Variants in DPP10 observed in about 807,000 individuals in gnomAD.
The protein encoded by DPP10 is inactive dipeptidyl peptidase 10.
DPP10 carries 33 observed loss-of-function variants against 120.9 expected under a neutral mutation model. The ratio of observed to expected loss-of-function variants is 0.27; its 90% CI spans 0.21 to 0.37. The LOEUF (loss-of-function observed/expected upper bound fraction) is 0.37. DPP10 is among the 10% of genes least tolerant of loss of function. DPP10 has a pLI of 1.00. For synonymous variants in DPP10, 337 were observed against 326.1 expected (o/e 1.03, Z -0.36); for missense variants, 816 against 942.8 (o/e 0.87, Z 1.76).
At chr2:115,166,918 C>T (rs1045596075) in intron 1 of DPP10, among the ~76,000 whole-genome samples, 1 of 152,070 alleles carries the variant, frequency 6.6e-6, no homozygotes, top group South Asian at 2.1e-4. Flanking sequence ...AATTTACTTA[C>T]AGTGTGACAT....
intron 1 of DPP10, among the ~76,000 whole-genome samples, chr2:115,171,747 T>C (rs1209691836): frequency 6.6e-6 from 1 of 152,090 alleles, no homozygotes; most frequent in Non-Finnish European, 1.5e-5. Context: ...AAACAAGTTT[T>C]AAAATGCTTT....
At chr2:114,715,515 C>T (rs1381730413) in intron 1 of DPP10, among the ~76,000 whole-genome samples, 1 of 151,796 alleles carries the variant, frequency 6.6e-6, no homozygotes, top group Non-Finnish European at 1.5e-5. Flanking sequence ...GGAAAAAATT[C>T]TAAGACCTTT....
intron 17 of DPP10, among the ~76,000 whole-genome samples, chr2:115,788,432 T>C (rs1343921309): frequency 6.6e-6 from 1 of 152,124 alleles, no homozygotes; most frequent in Non-Finnish European, 1.5e-5. Context: ...GAACATAGAC[T>C]AGCAGTAGAG....
chr2:114,618,024 T>A (rs555807564), intron 1 of DPP10, among the ~76,000 whole-genome samples: 1 of 152,210 alleles, frequency 6.6e-6, no homozygotes, highest in East Asian at 1.9e-4. Context: ...GAAAACAGAC[T>A]GTGTGTTTAA....
At chr2:115,315,989 C>T (rs1442158920) in intron 2 of DPP10, among the ~76,000 whole-genome samples, 1 of 151,938 alleles carries the variant, frequency 6.6e-6, no homozygotes, top group Non-Finnish European at 1.5e-5. Context: ...TATGTGATTC[C>T]CTTAGTTACT....
intron 1 of DPP10, among the ~76,000 whole-genome samples, chr2:114,471,936 C>T (rs1397707106): frequency 1.3e-5 from 2 of 152,224 alleles, no homozygotes; most frequent in African/African-American, 4.8e-5. Flanking sequence ...AAAGTTGTCA[C>T]AGCTTCAACA....
chr2:114,736,101 A>C (rs905265893), intron 1 of DPP10, among the ~76,000 whole-genome samples: 2 of 152,058 alleles, frequency 1.3e-5, no homozygotes, highest in Non-Finnish European at 2.9e-5. Context: ...CCTTGGAAGA[A>C]GCATCTAAGT....
intron 1 of DPP10, among the ~76,000 whole-genome samples, chr2:115,136,658 T>TTA (rs1240286359): frequency 1.6e-5 from 2 of 124,118 alleles, no homozygotes; most frequent in Admixed American, 7.7e-5. Flanking sequence ...AGGGATGGAA[T>TTA]AAAAAAAAAA....
chr2:114,834,866 A>AAGCCATGTCTACACACCTATGTATATAT (rs1687554492), intron 1 of DPP10, among the ~76,000 whole-genome samples: 1 of 112,386 alleles, frequency 8.9e-6, no homozygotes, highest in Non-Finnish European at 1.9e-5. Flanking sequence ...TATGTATATA[A>AAGCCATGTCTACACACCTATGTATATAT]AAGACATATC....
At chr2:115,211,001 G>A (rs1031179071) in intron 1 of DPP10, among the ~76,000 whole-genome samples, 1 of 151,946 alleles carries the variant, frequency 6.6e-6, no homozygotes, top group Admixed American at 6.6e-5. Context: ...TATGTTTTAA[G>A]GTAATTTGTT....
At chr2:115,565,380 A>G (rs1358078763) in intron 5 of DPP10, among the ~76,000 whole-genome samples, 1 of 152,206 alleles carries the variant, frequency 6.6e-6, no homozygotes, top group African/African-American at 2.4e-5. Flanking sequence ...TGCCCACATT[A>G]TGCCCTTTTA....
intron 2 of DPP10, among the ~76,000 whole-genome samples, chr2:115,316,107 C>A (rs745845298): frequency 6.6e-6 from 1 of 152,050 alleles, no homozygotes; most frequent in Non-Finnish European, 1.5e-5. Flanking sequence ...TTATGTATAT[C>A]TTTTTCTTGC....
At chr2:115,467,441 G>A (rs2074399761) in intron 3 of DPP10, among the ~76,000 whole-genome samples, 1 of 151,970 alleles carries the variant, frequency 6.6e-6, no homozygotes, top group Non-Finnish European at 1.5e-5. Context: ...GCTGGGTGTG[G>A]TGGTGGGCAC....
chr2:115,580,559 C>T (rs192615183), intron 5 of DPP10, among the ~76,000 whole-genome samples: 1 of 152,240 alleles, frequency 6.6e-6, no homozygotes, highest in East Asian at 1.9e-4. Context: ...CCTGCAGGCA[C>T]GCTGGCTTCC....
chr2:115,326,040 C>T (rs1476139083), intron 2 of DPP10, among the ~76,000 whole-genome samples: 2 of 152,242 alleles, frequency 1.3e-5, no homozygotes, highest in East Asian at 3.9e-4. Context: ...TACTCTGCTA[C>T]ATTAAAGTCC....
At position 114,724,949 on chromosome 2, in the gene DPP10, C is replaced by T. The variant is rs544156861; in HGVS notation, c.60+282111C>T. Among the ~76,000 whole-genome samples the T allele has an allele frequency of 7.9e-5, 12 of 152,096 alleles. No homozygotes were observed. The South Asian group carries it at 1.0e-3, about 13-fold the overall frequency. On this transcript the variant is annotated intron_variant, in intron 1 of 25. Transcript: ENST00000410059. ...TATGCCAGCTGAGCTCTGAATTCTG[C>T]GCCCATAGATAATATTTATTTTCTT...
chr2:115,345,203 C>A, intron 3 of DPP10, among the ~76,000 whole-genome samples: 1 of 152,144 alleles, frequency 6.6e-6, no homozygotes, highest in South Asian at 2.1e-4. Flanking sequence ...GATGATATTA[C>A]GGATAAAGAA....
intron 1 of DPP10, among the ~76,000 whole-genome samples, chr2:114,476,105 TA>T (rs1680350606): frequency 6.6e-6 from 1 of 152,222 alleles, no homozygotes. Context: ...ATAGTACCAC[TA>T]ACCCCTTGAA....
chr2:115,141,624 A>G (rs1359967988), intron 1 of DPP10, among the ~76,000 whole-genome samples: 2 of 152,252 alleles, frequency 1.3e-5, no homozygotes, highest in Non-Finnish European at 2.9e-5. Context: ...TGTCTAGACA[A>G]GAATATATTA....
Sources: allele counts gnomAD v4.1 joint callset (sites outside exome capture counted in the v4.1 genomes callset), GRCh38; gene constraint gnomAD v4.1.1; transcripts MANE v1.5; gene names NCBI Gene and HGNC (gene_info 2026-07-23, HGNC 2026-07-21).